Variants in WSCD1 observed in about 807,000 individuals in gnomAD.
WSCD1 encodes the protein WSC domain sialate O sulfotransferase 1, also known as sialate:O-sulfotransferase 1.
A neutral mutation model predicts 60.4 loss-of-function variants in WSCD1; 41 were observed. The ratio of observed to expected loss-of-function variants is 0.68; its 90% CI spans 0.53 to 0.88. The LOEUF (loss-of-function observed/expected upper bound fraction) is 0.88, where lower values mean the gene tolerates loss of function less well. Ranked by LOEUF, WSCD1 falls within the 40% of genes least tolerant of loss-of-function variation. The pLI is 0.00. For synonymous variants in WSCD1, 361 were observed against 332.5 expected, an observed-to-expected ratio of 1.09 and a Z score of -0.93; for missense variants, 784 against 796.2, an observed-to-expected ratio of 0.98 and a Z score of 0.18.
intron 2 of WSCD1, among the ~76,000 whole-genome samples, chr17:6,086,577 C>T (rs1268334337): frequency 6.6e-6 from 1 of 152,082 alleles, no homozygotes; most frequent in African/African-American, 2.4e-5. Context: ...TGGTCTCGAA[C>T]TCCTGATCTC....
rs765568621 is a variant in WSCD1 at position 6,118,125 on chromosome 17, G to A, written c.1312G>A (p.Glu438Lys). 1.2e-6 allele frequency: 2 copies of A among 1,614,198 alleles called. No homozygotes were observed. The change falls in exon 8 of 9, where the codon GAA (glutamate) becomes AAA (lysine). Residue 438 changes from glutamate (E) to lysine (K), a missense_variant. By Grantham distance (56) the Glu-to-Lys change is moderately conservative. Coordinates refer to ENST00000317744, the MANE Select transcript of WSCD1 (RefSeq NM_015253.2). The surrounding 1 kb of genome is among the most constrained non-coding windows in gnomAD (Gnocchi z 5.8). ...GAACCCATACAGGTCCCTGGTGGCA[G>A]AATTCAACAGAAAATGTGCCGGGCA... ...IRNPYRSLVA[E>K]FNRKCAGHLG...
chr17:6,120,007 C>T (rs1286735240), intron 8 of WSCD1, among the ~76,000 whole-genome samples: 1 of 152,216 alleles, frequency 6.6e-6, no homozygotes, highest in Non-Finnish European at 1.5e-5. Context: ...GGCAATCAAA[C>T]CACAAGATGC....
At chr17:6,097,179 C>T (rs941379647) in intron 5 of WSCD1, among the ~76,000 whole-genome samples, 4 of 152,260 alleles carry the variant, frequency 2.6e-5, no homozygotes, top group African/African-American at 7.2e-5. Flanking sequence ...ACACTGCTGC[C>T]ATTCGGCGTT....
chr17:6,079,077 G>A (rs1156466846), intron 1 of WSCD1, among the ~76,000 whole-genome samples: 2 of 152,178 alleles, frequency 1.3e-5, no homozygotes, highest in Non-Finnish European at 2.9e-5. Context: ...TGCTCTCCCC[G>A]AGGGCCTCGG....
At chr17:6,106,970 T>C (rs1289678513) in intron 5 of WSCD1, among the ~76,000 whole-genome samples, 1 of 152,160 alleles carries the variant, frequency 6.6e-6, no homozygotes, top group Non-Finnish European at 1.5e-5. Flanking sequence ...ACTTGGCTGC[T>C]ATGAGAGCGT....
At chr17:6,100,838 T>C (rs1789056705) in intron 5 of WSCD1, among the ~76,000 whole-genome samples, 1 of 152,202 alleles carries the variant, frequency 6.6e-6, no homozygotes. Context: ...CACCTGAAGA[T>C]GCCAGGCAGC....
At chr17:6,088,176 C>T in intron 3 of WSCD1, 72 bp downstream of exon 3, 1 of 1,291,906 alleles carries the variant, frequency 7.7e-7, no homozygotes, top group Non-Finnish European at 1.1e-6. Flanking sequence ...AATGAGGAGG[C>T]ATATCAGCTA....
chr17:6,088,248 G>A, intron 3 of WSCD1, 144 bp downstream of exon 3: 1 of 731,812 alleles, frequency 1.4e-6, no homozygotes. Context: ...CCAGAAGAAA[G>A]GAAGTTTGTT....
chr17:6,103,187 T>C (rs1910900152), intron 5 of WSCD1, among the ~76,000 whole-genome samples: 1 of 152,206 alleles, frequency 6.6e-6, no homozygotes, highest in Non-Finnish European at 1.5e-5. Context: ...CTCACCAGAC[T>C]GTGATGAGGA....
chr17:6,112,057 A>G (rs1314022704), intron 7 of WSCD1, among the ~76,000 whole-genome samples: 2 of 152,216 alleles, frequency 1.3e-5, no homozygotes, highest in Admixed American at 1.3e-4. Context: ...ACCAAAACCT[A>G]TGGGATACAG....
rs770718752 is a variant in WSCD1, at chr17:6,118,015, G to T, written c.1202G>T (p.Arg401Leu). ...TTCAAGGGCGAAAAGGACCACTGGCGGAGCCGACGCACCATCTGTGTCAAA... is the reference window on the plus strand; with the variant it reads ...TTCAAGGGCGAAAAGGACCACTGGCTGAGCCGACGCACCATCTGTGTCAAA... ...KGFKGEKDHWRSRRTICVKTH... is the reference protein window; with the variant it reads ...KGFKGEKDHWLSRRTICVKTH... The change falls in exon 8 of 9, where the codon CGG becomes CTG. Residue 401 changes from arginine to leucine, a missense_variant. By Grantham distance (102) the Arg-to-Leu change is moderately radical. Transcript: ENST00000317744. The surrounding 1 kb of genome is among the most constrained non-coding windows in gnomAD (Gnocchi z 5.8). 4.3e-6 allele frequency: 7 copies of T among 1,614,042 alleles called. No individual in the cohort carries two copies. The highest frequency in any genetic ancestry group is 5.9e-6 in the Non-Finnish European group (7 of 1,180,032).
In WSCD1 at chr17:6,110,734, G is replaced by T; in HGVS notation, c.1010-37G>T. ...AGTGGTGAATTGGTGAGTCATAATGGAAGTGAGTAACCCCGTGATGACTTT... is the reference window on the plus strand; with the variant it reads ...AGTGGTGAATTGGTGAGTCATAATGTAAGTGAGTAACCCCGTGATGACTTT... On this transcript the variant is annotated intron_variant, in intron 6 of 8. Transcript: ENST00000317744. This position sits in a 1 kb window ranked among gnomAD's most constrained non-coding sequence, Gnocchi z 4.8. The T allele has an allele frequency of 6.3e-7, 1 of 1,582,582 alleles. No homozygotes were observed. The highest frequency in any genetic ancestry group is 8.6e-7 in the Non-Finnish European group (1 of 1,158,362).
At chr17:6,102,173 G>A (rs1283518019) in intron 5 of WSCD1, among the ~76,000 whole-genome samples, 1 of 152,156 alleles carries the variant, frequency 6.6e-6, no homozygotes, top group Non-Finnish European at 1.5e-5. Context: ...TGCTTGTTTG[G>A]CCATTTAATG....
At chr17:6,082,395 A>G (rs1482455716) in intron 2 of WSCD1, among the ~76,000 whole-genome samples, 1 of 152,208 alleles carries the variant, frequency 6.6e-6, no homozygotes, top group African/African-American at 2.4e-5. Context: ...TCAGTACCAG[A>G]GCAGAATACA....
At chr17:6,078,785 G>A (rs1241939661) in intron 1 of WSCD1, among the ~76,000 whole-genome samples, 2 of 152,130 alleles carry the variant, frequency 1.3e-5, no homozygotes, top group Non-Finnish European at 2.9e-5. Context: ...GTGCATGTTA[G>A]GAGGATCACC....
chr17:6,118,013 G>T lies in WSCD1; in HGVS notation c.1200G>T (p.Trp400Cys). The change falls in exon 8 of 9, where the codon TGG becomes TGT. Residue 400 changes from tryptophan (W) to cysteine (C), a missense_variant. Trp to Cys is a radical substitution (Grantham distance 215). Coordinates refer to ENST00000317744, the MANE Select transcript of WSCD1 (RefSeq NM_015253.2). This position sits in a 1 kb window ranked among gnomAD's most constrained non-coding sequence, Gnocchi z 5.8. ...NKGFKGEKDH[W>C]RSRRTICVKT... is the part of the protein sequence containing the mutation. Reference sequence around the variant, plus strand: ...GGTTCAAGGGCGAAAAGGACCACTGGCGGAGCCGACGCACCATCTGTGTCA... The same window carrying T: ...GGTTCAAGGGCGAAAAGGACCACTGTCGGAGCCGACGCACCATCTGTGTCA... 6.2e-7 allele frequency: 1 copy of T among 1,614,010 alleles called. No individual in the cohort carries two copies. Among genetic ancestry groups the T allele is most frequent in the Middle Eastern group, 1.7e-4 (1 of 5,940 alleles).
At chr17:6,092,830 C>T (rs965392730) in intron 4 of WSCD1, among the ~76,000 whole-genome samples, 2 of 152,254 alleles carry the variant, frequency 1.3e-5, no homozygotes, top group Middle Eastern at 3.4e-3. Flanking sequence ...GCCCTAGATC[C>T]GGAGTTGGCT....
At chr17:6,108,757 C>T (rs1911242740) in intron 5 of WSCD1, among the ~76,000 whole-genome samples, 1 of 152,254 alleles carries the variant, frequency 6.6e-6, no homozygotes, top group Admixed American at 6.5e-5. Flanking sequence ...TTCACACCTT[C>T]AGGATGCCAG....
At position 6,080,937 on chromosome 17, in the gene WSCD1, C is replaced by A. The variant is rs1909213196; in HGVS notation, c.279C>A (p.Thr93=). The A allele has an allele frequency of 6.4e-7, 1 of 1,571,562 alleles. No individual in the cohort carries two copies. Among genetic ancestry groups the A allele is most frequent in the Non-Finnish European group, 8.6e-7 (1 of 1,163,292 alleles). ...TGGACATGCTGCAGAGCCCCCTGAC[C>A]CGGCCCCGGCCCGGCCCCCGCTGGC... is the stretch of plus-strand genomic sequence containing the variant. ...LGVDMLQSPL[T]RPRPGPRWLR... Residue 93 remains threonine, a synonymous_variant, in exon 2 of 9, where the codon ACC becomes ACA. Coordinates refer to ENST00000317744, the MANE Select transcript of WSCD1 (RefSeq NM_015253.2). The surrounding 1 kb of genome is among the most constrained non-coding windows in gnomAD (Gnocchi z 6.6).
Sources: gnomAD v4.1 joint callset for allele counts (sites outside exome capture counted in the v4.1 genomes callset) on GRCh38, gnomAD v4.1.1 for gene constraint, Gnocchi (gnomAD v3.1) non-coding constraint, MANE v1.5 for transcripts, NCBI Gene and HGNC (gene_info 2026-07-23, HGNC 2026-07-21) for gene names.